Variants in CAAP1 observed in about 807,000 individuals in gnomAD.
The protein encoded by CAAP1 is conserved anti-apoptotic protein.
CAAP1 carries 20 observed loss-of-function variants against 34.0 expected under a neutral mutation model. The observed-to-expected ratio is 0.59, with a 90% CI of 0.41 to 0.86. The LOEUF (loss-of-function observed/expected upper bound fraction) is 0.86, where lower values mean the gene tolerates loss of function less well. Ranked by LOEUF, CAAP1 falls within the 40% of genes least tolerant of loss-of-function variation. The pLI, the probability that CAAP1 is intolerant of heterozygous loss-of-function variation, is 0.00. For missense variants in CAAP1, 538 were observed against 450.5 expected, an observed-to-expected ratio of 1.19 and a Z score of -1.76; for synonymous variants, 213 against 166.7, an observed-to-expected ratio of 1.28 and a Z score of -2.14.
chr9:26,845,528 A>C (rs1822579300), intron 5 of CAAP1, among the ~76,000 whole-genome samples: 1 of 152,140 alleles, frequency 6.6e-6, no homozygotes, highest in Admixed American at 6.5e-5. Context: ...AGCACGTGCC[A>C]CCACACCCGG....
In CAAP1 at chr9:26,842,218, A is replaced by C. The variant is rs763536619; in HGVS notation, c.*83T>G. ...AGGGTTACATGAGAAATAACATATA[A>C]GACCCCAAATAAATTTTAGATACAA... On this transcript the variant is annotated 3_prime_UTR_variant, in exon 6 of 6. Transcript: ENST00000333916. 2.3e-5 allele frequency: 25 copies of C among 1,097,692 alleles called. No homozygotes were observed. The highest frequency in any genetic ancestry group is 2.7e-5 in the Non-Finnish European group (21 of 775,028). 68.0% of individuals were successfully genotyped at this position (1,097,692 alleles called of 1,614,324 possible).
chr9:26,886,632 G>C (rs1026032717), intron 2 of CAAP1, among the ~76,000 whole-genome samples: 5 of 152,094 alleles, frequency 3.3e-5, no homozygotes, highest in Non-Finnish European at 7.4e-5. Context: ...AAAAATACTT[G>C]TGAATCTAAT....
At chr9:26,855,175 G>A (rs1822840662) in intron 5 of CAAP1, among the ~76,000 whole-genome samples, 1 of 152,154 alleles carries the variant, frequency 6.6e-6, no homozygotes, top group Non-Finnish European at 1.5e-5. Context: ...GTGTTATCAA[G>A]CCACACAAAG....
In CAAP1 at chr9:26,861,142, G is replaced by A. The variant is rs1185941701; in HGVS notation, c.666-3C>T. 8.8e-6 allele frequency: 14 copies of A among 1,598,958 alleles called. No homozygotes were observed. Among genetic ancestry groups the A allele is most frequent in the Non-Finnish European group, 1.1e-5 (13 of 1,168,136 alleles). ...CAGAATCTATACAGATGTCTTGCCT[G>A]GGAAATGAAAATAAGATCAACCTTT... On this transcript the variant is annotated splice_region_variant and splice_polypyrimidine_tract_variant and intron_variant, in intron 4 of 5. Transcript: ENST00000333916.
chr9:26,852,235 C>T (rs920014575), intron 5 of CAAP1, among the ~76,000 whole-genome samples: 5 of 152,020 alleles, frequency 3.3e-5, no homozygotes, highest in Admixed American at 1.3e-4. Flanking sequence ...AGGTGGATCA[C>T]TTGAGGTCAG....
At chr9:26,880,654 G>A (rs967554754) in intron 4 of CAAP1, 5 of 152,462 alleles carry the variant, frequency 3.3e-5, no homozygotes, top group African/African-American at 1.2e-4. Context: ...CAGTACAGCA[G>A]AAGTTGTGAA....
intron 4 of CAAP1, among the ~76,000 whole-genome samples, chr9:26,871,844 G>A: frequency 6.6e-6 from 1 of 151,704 alleles, no homozygotes. Context: ...AACTTGGGAG[G>A]CGGAGGTTGC....
At chr9:26,857,345 T>C (rs1822893627) in intron 5 of CAAP1, among the ~76,000 whole-genome samples, 1 of 152,226 alleles carries the variant, frequency 6.6e-6, no homozygotes, top group African/African-American at 2.4e-5. Flanking sequence ...TAAGAAATAA[T>C]TTCTGGCCGG....
intron 1 of CAAP1, among the ~76,000 whole-genome samples, chr9:26,892,082 G>C (rs1823916480): frequency 6.6e-6 from 1 of 152,144 alleles, no homozygotes; most frequent in Non-Finnish European, 1.5e-5. Context: ...GAAGGGAGAA[G>C]TGTTTGGCTC....
intron 5 of CAAP1, among the ~76,000 whole-genome samples, chr9:26,852,488 GA>G (rs1822776055): frequency 6.6e-6 from 1 of 151,958 alleles, no homozygotes; most frequent in Non-Finnish European, 1.5e-5. Flanking sequence ...GGTATTGAGA[GA>G]AGAGGGGAGG....
rs534323272 is a variant in CAAP1, at chr9:26,879,678, G to T, written c.665+5132C>A. ...AGCTAGAATAAAGCAGGCAGGAAAA[G>T]ATGTAAGAGTAGACTTGCTGAGTCT... On this transcript the variant is annotated intron_variant, in intron 4 of 5. Transcript: ENST00000333916. 2.2e-4 allele frequency among the ~76,000 whole-genome samples: 34 copies of T among 152,340 alleles called. 1 individual carries two copies. The South Asian group carries it at 7.0e-3, about 32-fold the overall frequency.
chr9:26,871,889 G>C (rs999627871), intron 4 of CAAP1, among the ~76,000 whole-genome samples: 1 of 150,658 alleles, frequency 6.6e-6, no homozygotes, highest in Non-Finnish European at 1.5e-5. Flanking sequence ...ACTCCAGCCT[G>C]GGCGACAGAG....
chr9:26,867,515 G>A (rs1823167447), intron 4 of CAAP1, among the ~76,000 whole-genome samples: 1 of 152,168 alleles, frequency 6.6e-6, no homozygotes, highest in African/African-American at 2.4e-5. Flanking sequence ...TAGGGATTAA[G>A]ATGTGGCTAT....
In CAAP1 at chr9:26,869,217, T is replaced by C. The variant is rs1029693291; in HGVS notation, c.666-8078A>G. Among the ~76,000 whole-genome samples the C allele has an allele frequency of 3.9e-5, 6 of 151,982 alleles. No homozygotes were observed. In the South Asian group the frequency reaches 1.2e-3, roughly 32 times the overall value. Reference sequence around the variant, plus strand: ...GTAAAAAAAAATAAATAAACCAAAATAAAACCTAATACGGTGAAATTCCTT... The same window carrying C: ...GTAAAAAAAAATAAATAAACCAAAACAAAACCTAATACGGTGAAATTCCTT... On this transcript the variant is annotated intron_variant, in intron 4 of 5. Coordinates refer to ENST00000333916, the MANE Select transcript of CAAP1 (RefSeq NM_024828.4).
In CAAP1 at chr9:26,877,337, C is replaced by T. The variant is rs12683224; in HGVS notation, c.665+7473G>A. 1.9e-4 allele frequency among the ~76,000 whole-genome samples: 29 copies of T among 152,192 alleles called. No individual in the cohort carries two copies. The East Asian group carries it at 5.4e-3, about 28-fold the overall frequency. On this transcript the variant is annotated intron_variant, in intron 4 of 5. Transcript: ENST00000333916. ...AAAACATTTCTGGCCCCAAGCATTT[C>T]CAATAAAGGATACTGAACCTGTAAC...
At position 26,860,449 on chromosome 9, in the gene CAAP1, A is replaced by G. The variant is rs150849716; in HGVS notation, c.739+617T>C. 2.3e-3 allele frequency among the ~76,000 whole-genome samples: 353 copies of G among 152,278 alleles called. 1 individual carries two copies. Among genetic ancestry groups the G allele is most frequent in the Middle Eastern group, 3.4e-3 (1 of 294 alleles). On this transcript the variant is annotated intron_variant, in intron 5 of 5. Transcript: ENST00000333916. ...CTGGTTTTTTCCCACATACAACCCA[A>G]AGCTACCCAGTTAACATATCTCCAA...
chr9:26,845,142 T>C (rs1178836331), intron 5 of CAAP1, among the ~76,000 whole-genome samples: 1 of 152,212 alleles, frequency 6.6e-6, no homozygotes, highest in Non-Finnish European at 1.5e-5. Flanking sequence ...GACATTTTTA[T>C]GTATTTTTAC....
At chr9:26,860,926 T>C in intron 5 of CAAP1, 140 bp downstream of exon 5, 1 of 652,958 alleles carries the variant, frequency 1.5e-6, no homozygotes, top group Non-Finnish European at 2.8e-6. Flanking sequence ...AATCATGAAG[T>C]GACTGATTTT....
chr9:26,852,152 T>TG (rs74178365), intron 5 of CAAP1, among the ~76,000 whole-genome samples: 152,007 of 152,008 alleles, frequency 1, 76,003 homozygotes, highest in Middle Eastern at 1. Flanking sequence ...CTCTGCCTCC[T>TG]GGCTGAAGCA....
Sources: gnomAD v4.1 joint callset for allele counts (sites outside exome capture counted in the v4.1 genomes callset) on GRCh38, gnomAD v4.1.1 for gene constraint, MANE v1.5 for transcripts, NCBI Gene and HGNC (gene_info 2026-07-23, HGNC 2026-07-21) for gene names.